The following KAZN variants were observed in gnomAD, a reference collection of about 807,000 sequenced individuals.
KAZN encodes kazrin, periplakin interacting protein, also known as kazrin.
In KAZN, 40 loss-of-function variants were observed where a neutral mutation model predicts 87.4. That is an observed-to-expected ratio of 0.46 (90% CI 0.36 to 0.60). The LOEUF (loss-of-function observed/expected upper bound fraction) is 0.60, where lower values mean the gene tolerates loss of function less well. Among genes scored for constraint, KAZN ranks in the 20% least tolerant of loss-of-function variants. The pLI, the probability that KAZN is intolerant of heterozygous loss-of-function variation, is 0.00. For missense variants in KAZN, 898 were observed against 1,073.9 expected, an observed-to-expected ratio of 0.84 and a Z score of 2.29; for synonymous variants, 466 against 458.3, an observed-to-expected ratio of 1.02 and a Z score of -0.22.
chr1:14,991,314 C>T (rs568928702), intron 2 of KAZN, among the ~76,000 whole-genome samples: 51 of 150,854 alleles, frequency 3.4e-4, no homozygotes, highest in African/African-American at 1.2e-3. Context: ...TAGATCGCAC[C>T]ACTGCACTCC....
chr1:14,483,463 T>C (rs183682718), intron 2 of KAZN, among the ~76,000 whole-genome samples: 1 of 152,322 alleles, frequency 6.6e-6, no homozygotes, highest in East Asian at 1.9e-4. Context: ...CAGAAGATAT[T>C]CCATGCTTCT....
chr1:14,140,232 A>C (rs1462982278), intron 1 of KAZN, among the ~76,000 whole-genome samples: 1 of 152,110 alleles, frequency 6.6e-6, no homozygotes, highest in Non-Finnish European at 1.5e-5. Context: ...TGGACAAGCT[A>C]TCTAATCTTT....
intron 2 of KAZN, among the ~76,000 whole-genome samples, chr1:14,260,264 C>T (rs1650907392): frequency 6.6e-6 from 1 of 152,138 alleles, no homozygotes; most frequent in Non-Finnish European, 1.5e-5. Context: ...GTGTAGGAGG[C>T]ACACGATAAA....
At chr1:14,288,081 C>T (rs780065013) in intron 2 of KAZN, among the ~76,000 whole-genome samples, 13 of 152,130 alleles carry the variant, frequency 8.5e-5, no homozygotes, top group Non-Finnish European at 1.9e-4. Context: ...TTCAGTTTGC[C>T]AGTGTTTTAT....
intron 2 of KAZN, among the ~76,000 whole-genome samples, chr1:14,339,263 A>G (rs929971990): frequency 2.0e-5 from 3 of 152,208 alleles, no homozygotes; most frequent in Non-Finnish European, 2.9e-5. Context: ...TGGGGAAGAG[A>G]AAAAAGCAGC....
chr1:14,125,830 G>T (rs138699888), intron 1 of KAZN, among the ~76,000 whole-genome samples: 4 of 152,172 alleles, frequency 2.6e-5, no homozygotes, highest in African/African-American at 9.6e-5. Context: ...TTACCCTCGG[G>T]CAACAAGGTT....
intron 1 of KAZN, among the ~76,000 whole-genome samples, chr1:14,008,321 G>T (rs770159521): frequency 2.0e-5 from 3 of 152,230 alleles, no homozygotes; most frequent in Middle Eastern, 6.8e-3. Context: ...CTAGTAGAAG[G>T]TATGCATTCA....
intron 2 of KAZN, among the ~76,000 whole-genome samples, chr1:14,413,592 A>T (rs567931191): frequency 2.6e-3 from 359 of 138,584 alleles, no homozygotes; most frequent in African/African-American, 9.1e-3. Context: ...CCGTCTCAAA[A>T]GAAAAAAAAA....
intron 2 of KAZN, among the ~76,000 whole-genome samples, chr1:14,335,116 C>CCCA (rs1553159285): frequency 6.7e-6 from 1 of 150,186 alleles, no homozygotes; most frequent in Non-Finnish European, 1.5e-5. Context: ...GCCCCCCCCC[C>CCCA]ACCACCCCAG....
chr1:14,259,485 C>A (rs576750984), intron 2 of KAZN, among the ~76,000 whole-genome samples: 8 of 152,276 alleles, frequency 5.3e-5, no homozygotes, highest in Non-Finnish European at 7.4e-5. Flanking sequence ...CTCTGAGGCA[C>A]GCCTTTGCCT....
chr1:15,052,049 A>G (rs1674461326), intron 4 of KAZN, among the ~76,000 whole-genome samples: 1 of 152,178 alleles, frequency 6.6e-6, no homozygotes, highest in African/African-American at 2.4e-5. Flanking sequence ...ACCCAAGGGG[A>G]GTTCCCAGCA....
chr1:14,216,384 A>G (rs1226030789), intron 2 of KAZN, among the ~76,000 whole-genome samples: 2 of 152,200 alleles, frequency 1.3e-5, no homozygotes, highest in Admixed American at 1.3e-4. Context: ...CTTCCAGGGT[A>G]GTCACTCACT....
At chr1:14,082,607 G>A (rs921476242) in intron 1 of KAZN, among the ~76,000 whole-genome samples, 16 of 152,164 alleles carry the variant, frequency 1.1e-4, no homozygotes, top group African/African-American at 3.6e-4. Context: ...GAGTGCTGCA[G>A]CATCTGAATC....
At chr1:14,595,754 T>C (rs1676466305), upstream of KAZN, among the ~76,000 whole-genome samples, 1 of 150,938 alleles carries the variant, frequency 6.6e-6, no homozygotes, top group Non-Finnish European at 1.5e-5. Context: ...AAATCAAGTA[T>C]ACCCGCAGAG....
intron 2 of KAZN, among the ~76,000 whole-genome samples, chr1:15,026,041 T>C (rs1671127495): frequency 6.6e-6 from 1 of 152,096 alleles, no homozygotes; most frequent in Admixed American, 6.5e-5. Context: ...ACAAATAAAC[T>C]GCTGTCCGCC....
At chr1:15,058,003 T>A (rs141551297) in intron 5 of KAZN, among the ~76,000 whole-genome samples, 2 of 152,220 alleles carry the variant, frequency 1.3e-5, no homozygotes, top group East Asian at 3.9e-4. Context: ...CATACAACCA[T>A]CTCCATGCAT....
Position 14,357,672 on chromosome 1 carries a change from T to G in KAZN, c.249+177080T>G, listed in dbSNP as rs1429321625. 4.6e-5 allele frequency among the ~76,000 whole-genome samples: 7 copies of G among 152,160 alleles called. No homozygotes were observed. The South Asian group carries it at 1.0e-3, about 23-fold the overall frequency. ...TATCAAAGGCCATTTCTGCATCTAT[T>G]GAGATAATCATGTGGTTTTTGTCAT... is the stretch of plus-strand genomic sequence containing the variant. On this transcript the variant is annotated intron_variant, in intron 2 of 16. Coordinates refer to the KAZN transcript ENST00000636203.
chr1:14,012,697 T>G (rs1570524135), intron 1 of KAZN, among the ~76,000 whole-genome samples: 1 of 152,236 alleles, frequency 6.6e-6, no homozygotes, highest in South Asian at 2.1e-4. Flanking sequence ...CCCAGCTACT[T>G]GGGAGGCTGA....
chr1:14,556,133 C>T (rs756279619), intron 2 of KAZN, among the ~76,000 whole-genome samples: 16 of 132,172 alleles, frequency 1.2e-4, no homozygotes, highest in Admixed American at 4.0e-4. Flanking sequence ...TTTTTTCAGT[C>T]GGAGTCTCAC....
Sources: gnomAD v4.1 joint callset for allele counts (sites outside exome capture counted in the v4.1 genomes callset) on GRCh38, gnomAD v4.1.1 for gene constraint, MANE v1.5 for transcripts, NCBI Gene and HGNC (gene_info 2026-07-23, HGNC 2026-07-21) for gene names.